Variants in CCDC180 observed in about 807,000 individuals in gnomAD.
The protein encoded by CCDC180 is coiled-coil domain containing 180, also known as coiled-coil domain-containing protein 180.
Under a neutral mutation model 209.2 loss-of-function variants are expected in CCDC180, and 154 were observed. The observed-to-expected ratio is 0.74, with a 90% CI of 0.65 to 0.84. CCDC180 has a LOEUF of 0.84. CCDC180 is among the 40% of genes least tolerant of loss of function. CCDC180 has a pLI of 0.00. For missense variants in CCDC180, 1,874 were observed against 1,997.3 expected, an observed-to-expected ratio of 0.94 and a Z score of 1.18; for synonymous variants, 778 against 749.1, an observed-to-expected ratio of 1.04 and a Z score of -0.63.
intron 13 of CCDC180, 133 bp downstream of exon 13, chr9:97,324,036 T>A (rs1833444819): frequency 9.0e-7 from 1 of 1,109,490 alleles, no homozygotes; most frequent in African/African-American, 1.6e-5. Context: ...TGTCAGCCCC[T>A]CTCAGAGTAG....
At chr9:97,363,119 T>C (rs1360400455) in intron 28 of CCDC180, among the ~76,000 whole-genome samples, 1 of 152,100 alleles carries the variant, frequency 6.6e-6, no homozygotes, top group African/African-American at 2.4e-5. Context: ...TGTGCGCTGG[T>C]TGGGGGCTGC....
chr9:97,350,552 G>T lies in CCDC180; in HGVS notation c.2999G>T (p.Cys1000Phe), dbSNP rs1826394441. The change falls in exon 22 of 37, where the codon TGC (cysteine) becomes TTC (phenylalanine). Residue 1000 changes from cysteine (C) to phenylalanine (F), a missense_variant. Transcript: ENST00000529487. ...TCAAATATTGAGTTCATCAAACACT[G>T]CAGGTGGGAGCCAGTGTCCAGGGCC... Reference protein sequence around the residue: ...RYSNIEFIKHCRLFSEGGNFS... With the variant: ...RYSNIEFIKHFRLFSEGGNFS... The T allele has an allele frequency of 6.5e-7, 1 of 1,536,296 alleles. No individual in the cohort carries two copies. The highest frequency in any genetic ancestry group is 1.4e-5 in the African/African-American group (1 of 73,060).
intron 18 of CCDC180, among the ~76,000 whole-genome samples, chr9:97,336,424 T>C (rs1825906108): frequency 6.6e-6 from 1 of 152,252 alleles, no homozygotes; most frequent in Non-Finnish European, 1.5e-5. Context: ...CAGGAGATCC[T>C]GTCCCCATTG....
At chr9:97,358,810 G>A (rs558605901) in intron 25 of CCDC180, among the ~76,000 whole-genome samples, 2 of 152,234 alleles carry the variant, frequency 1.3e-5, no homozygotes, top group South Asian at 4.2e-4. Flanking sequence ...TTCTGGAGTG[G>A]GAAGCTTTCT....
At chr9:97,354,394 T>C (rs1174629339) in intron 22 of CCDC180, among the ~76,000 whole-genome samples, 175 bp from the exon 23 acceptor site, 2 of 152,210 alleles carry the variant, frequency 1.3e-5, no homozygotes, top group Non-Finnish European at 2.9e-5. Flanking sequence ...AAAATGGAAA[T>C]TCTGCACTAT....
rs41281928 is a variant in CCDC180 at position 97,317,104 on chromosome 9, G to A, written c.835G>A (p.Ala279Thr). Reference sequence around the variant, plus strand: ...CCTGCTGGGCAACCGGAAGGCTCTCGCCCAGCTGTTTGTCAACCTGATGGA... The same window carrying A: ...CCTGCTGGGCAACCGGAAGGCTCTCACCCAGCTGTTTGTCAACCTGATGGA... Reference protein sequence around the residue: ...YALLGNRKALAQLFVNLMEST... With the variant: ...YALLGNRKALTQLFVNLMEST... Residue 279 changes from alanine to threonine, a missense_variant, in exon 9 of 37, where the codon GCC (alanine) becomes ACC (threonine). By Grantham distance (58) the Ala-to-Thr change is moderately conservative. Coordinates refer to ENST00000529487, the MANE Select transcript of CCDC180 (RefSeq NM_020893.6). The A allele has an allele frequency of 1.6e-3, 2,535 of 1,613,380 alleles. 32 individuals are homozygous for A. In the African/African-American group the frequency reaches 0.029, roughly 18 times the overall value.
chr9:97,343,762 G>A, intron 19 of CCDC180, 199 bp downstream of exon 19: 1 of 566,426 alleles, frequency 1.8e-6, no homozygotes, highest in Non-Finnish European at 3.1e-6. Flanking sequence ...GATATCTTCT[G>A]TGAGAGTGAC....
At chr9:97,310,416 CG>C (rs5899303) in intron 3 of CCDC180, among the ~76,000 whole-genome samples, 94,034 of 151,942 alleles carry the variant, frequency 0.62, 29,877 homozygotes, top group African/African-American at 0.75. Flanking sequence ...TGAGAGCAGG[CG>C]GGGGTCAGGC....
At chr9:97,372,153 C>T (rs970728744) in intron 34 of CCDC180, 4 of 152,856 alleles carry the variant, frequency 2.6e-5, no homozygotes, top group East Asian at 1.9e-4. Flanking sequence ...TTTAAAGAGA[C>T]GAAGGACAAA....
At chr9:97,313,204 G>A (rs1230575311) in intron 4 of CCDC180, 32 bp from the exon 5 acceptor site, 2 of 1,450,998 alleles carry the variant, frequency 1.4e-6, no homozygotes, top group African/African-American at 1.4e-5. Context: ...AGCTCTGAAG[G>A]CAGCCTCATC....
chr9:97,329,701 A>G (rs555453436), intron 16 of CCDC180, among the ~76,000 whole-genome samples: 1 of 152,306 alleles, frequency 6.6e-6, no homozygotes, highest in African/African-American at 2.4e-5. Context: ...GAACAACCCA[A>G]TTACCCCAGG....
In CCDC180 at chr9:97,376,839, G is replaced by A. The variant is rs145897954; in HGVS notation, c.4919G>A (p.Arg1640His). The A allele has an allele frequency of 2.0e-5, 32 of 1,613,226 alleles. No homozygotes were observed. The highest frequency in any genetic ancestry group is 2.2e-5 in the East Asian group (1 of 44,888). ...ACATCTCAGATAAAGGAGGCTCAGC[G>A]CTGGAAGGACAGCTGGAAGCAGTCC... ...DCTSQIKEAQ[R>H]WKDSWKQSLH... The change falls in exon 37 of 37, where the codon CGC becomes CAC. Residue 1640 changes from arginine to histidine, a missense_variant. Arg to His is a conservative substitution (Grantham distance 29). Transcript: ENST00000529487.
Position 97,309,416 on chromosome 9 carries a change from G to A in CCDC180, c.72G>A (p.Val24=), listed in dbSNP as rs781694688. 26 of 1,597,526 alleles carry A rather than the reference G, an allele frequency of 1.6e-5. No individual in the cohort carries two copies. In the Admixed American group the frequency reaches 4.5e-4, roughly 28 times the overall value. The change falls in exon 3 of 37, where the codon GTG becomes GTA. Residue 24 remains valine (V), a splice_region_variant and synonymous_variant. Transcript: ENST00000529487. ...TCCTTGGTCCTCCCTGGATTCAGGT[G>A]CAGCTGGTCCACTCCCTGGCGGCCA... ...KAYQQIFQAE[V]QLVHSLAATR...
rs750533588 is a variant in CCDC180, at chr9:97,330,744, C to T, written c.2251C>T (p.Gln751Ter). 1.2e-6 allele frequency: 2 copies of T among 1,600,766 alleles called. No individual in the cohort carries two copies. The highest frequency in any genetic ancestry group is 1.7e-6 in the Non-Finnish European group (2 of 1,178,994). Reference sequence around the variant, plus strand: ...GGAGGAGAAGGAGGCACAGGAAGAGCAAGAGAGTTTATCTGTGGGTGAGGT... The same window carrying T: ...GGAGGAGAAGGAGGCACAGGAAGAGTAAGAGAGTTTATCTGTGGGTGAGGT... ...EKEEKEAQEE[Q>*]ESLSVGEEED... The change falls in exon 18 of 37, where the codon CAA (glutamine) becomes TAA (stop). Residue 751 changes from glutamine (Q) to a stop codon, truncating the protein, a stop_gained. Coordinates refer to ENST00000529487, the MANE Select transcript of CCDC180 (RefSeq NM_020893.6). LOFTEE classifies it high-confidence loss of function.
chr9:97,350,637 G>A, intron 22 of CCDC180, 82 bp downstream of exon 22: 1 of 1,427,382 alleles, frequency 7.0e-7, no homozygotes, highest in Admixed American at 2.3e-5. Flanking sequence ...TTAATTTTTA[G>A]TTTTGACAAA....
rs1826737013 is a variant in CCDC180 at position 97,361,037 on chromosome 9, TG to T, written c.3484-685del. Among the ~76,000 whole-genome samples, 4 of 152,146 alleles carry T rather than the reference TG, an allele frequency of 2.6e-5. No homozygotes were observed. The South Asian group carries it at 6.2e-4, about 24-fold the overall frequency. ...CCCTCTGGTGGGGTGTCCAGTAGCA[TG>T]GGGCTCCAAGGGTCTAGCGTGAAGG... On this transcript the variant is annotated intron_variant, in intron 26 of 36. Coordinates refer to ENST00000529487, the MANE Select transcript of CCDC180 (RefSeq NM_020893.6).
rs756692326 is a variant in CCDC180, at chr9:97,360,101, C to T, written c.3483C>T (p.Thr1161=). 9.9e-6 allele frequency: 16 copies of T among 1,613,338 alleles called. No individual in the cohort carries two copies. Among genetic ancestry groups the T allele is most frequent in the African/African-American group, 8.0e-5 (6 of 74,890 alleles). The change falls in exon 26 of 37, where the codon ACC becomes ACT. Residue 1161 remains threonine, a splice_region_variant and synonymous_variant. Transcript: ENST00000529487. ...TGTCCATGACTGAACTGGTCTTTACCGTAAGGAATGGGATAGGGTGGCAGG... is the reference window on the plus strand; with the variant it reads ...TGTCCATGACTGAACTGGTCTTTACTGTAAGGAATGGGATAGGGTGGCAGG... ...DRVSMTELVF[T]NTILKDQEED... is the part of the protein sequence containing the mutation.
At chr9:97,375,931 G>C in intron 36 of CCDC180, 1 of 283,776 alleles carries the variant, frequency 3.5e-6, no homozygotes, top group Admixed American at 4.7e-5. Flanking sequence ...AGGCTCAGGG[G>C]GGACACAGCA....
At chr9:97,335,415 G>A (rs2118723104) in intron 18 of CCDC180, among the ~76,000 whole-genome samples, 1 of 152,204 alleles carries the variant, frequency 6.6e-6, no homozygotes, top group Admixed American at 6.5e-5. Context: ...ACCTATGAGT[G>A]AGAACATACA....
Sources: allele counts gnomAD v4.1 joint callset (sites outside exome capture counted in the v4.1 genomes callset), GRCh38; gene constraint gnomAD v4.1.1; transcripts MANE v1.5; gene names NCBI Gene and HGNC (gene_info 2026-07-23, HGNC 2026-07-21).